AKAP13: variants seen among roughly 807,000 people sequenced by gnomAD.
The protein encoded by AKAP13 is A-kinase anchor protein 13.
AKAP13 carries 80 observed loss-of-function variants against 264.5 expected under a neutral mutation model. The ratio of observed to expected loss-of-function variants is 0.30; its 90% CI spans 0.25 to 0.36. The LOEUF (loss-of-function observed/expected upper bound fraction) is 0.36. Among genes scored for constraint, AKAP13 ranks in the 10% least tolerant of loss-of-function variants. The pLI is 1.00. For missense variants in AKAP13, 3,712 were observed against 3,435.2 expected (o/e 1.08, Z -2.01); for synonymous variants, 1,380 against 1,250.2 (o/e 1.10, Z -2.19).
chr15:85,425,367 G>A (rs1488714791), intron 1 of AKAP13, among the ~76,000 whole-genome samples: 1 of 152,090 alleles, frequency 6.6e-6, no homozygotes, highest in Admixed American at 6.5e-5. Context: ...TTGGTTCTTG[G>A]AAAACAGTTT....
At chr15:85,593,180 T>C (rs2079656163) in intron 8 of AKAP13, among the ~76,000 whole-genome samples, 1 of 152,016 alleles carries the variant, frequency 6.6e-6, no homozygotes, top group African/African-American at 2.4e-5. Flanking sequence ...GGCGTGGTGG[T>C]GCGCCCCTGT....
At chr15:85,627,333 G>A (rs748305624) in intron 8 of AKAP13, among the ~76,000 whole-genome samples, 1 of 151,996 alleles carries the variant, frequency 6.6e-6, no homozygotes, top group Non-Finnish European at 1.5e-5. Context: ...TCTTTGACCT[G>A]TTTTTCTCTC....
At chr15:85,630,186 C>CAG (rs2081650872) in intron 8 of AKAP13, among the ~76,000 whole-genome samples, 1 of 76,850 alleles carries the variant, frequency 1.3e-5, no homozygotes, top group South Asian at 4.1e-4. Context: ...CACACACACA[C>CAG]ACACACACAC....
At chr15:85,416,314 C>T (rs1242020057) in intron 1 of AKAP13, among the ~76,000 whole-genome samples, 1 of 152,110 alleles carries the variant, frequency 6.6e-6, no homozygotes, top group Non-Finnish European at 1.5e-5. Flanking sequence ...GGGAGTGGGG[C>T]TACTATGTGA....
intron 14 of AKAP13, among the ~76,000 whole-genome samples, chr15:85,680,031 C>T (rs1170611890): frequency 6.6e-6 from 1 of 152,186 alleles, no homozygotes; most frequent in Non-Finnish European, 1.5e-5. Context: ...CATAGATTCT[C>T]CTAGTACTCA....
At position 85,579,990 on chromosome 15, in the gene AKAP13, A is replaced by G. The variant is rs1004571253; in HGVS notation, c.1922A>G (p.His641Arg). ...CAGAACTCAGAAACAAATTCATCTC[A>G]TGCTCAAAGCCAAAAGGGCAAATCC... is the stretch of plus-strand genomic sequence containing the variant. ...PHQNSETNSSHAQSQKGKSSP... is the reference protein window; with the variant it reads ...PHQNSETNSSRAQSQKGKSSP... The change falls in exon 7 of 37, where the codon CAT becomes CGT. Residue 641 changes from histidine (H) to arginine (R), a missense_variant. By Grantham distance (29) the His-to-Arg change is conservative (BLOSUM62 0). Transcript: ENST00000394518. 1.2e-6 allele frequency: 2 copies of G among 1,609,270 alleles called. No individual in the cohort carries two copies. Among genetic ancestry groups the G allele is most frequent in the Non-Finnish European group, 1.7e-6 (2 of 1,175,560 alleles).
chr15:85,735,852 A>C (rs1168787456), intron 32 of AKAP13, among the ~76,000 whole-genome samples: 1 of 152,228 alleles, frequency 6.6e-6, no homozygotes, highest in East Asian at 1.9e-4. Flanking sequence ...GTTTACATTC[A>C]TAACTCTACC....
intron 19 of AKAP13, among the ~76,000 whole-genome samples, chr15:85,711,981 C>T (rs563372794): frequency 3.2e-4 from 48 of 152,226 alleles, no homozygotes; most frequent in Non-Finnish European, 5.9e-4. Context: ...TCCAGGTGTG[C>T]GCCGCTATGC....
chr15:85,468,416 A>G (rs1742034587), intron 1 of AKAP13, among the ~76,000 whole-genome samples: 2 of 152,238 alleles, frequency 1.3e-5, no homozygotes, highest in African/African-American at 4.8e-5. Flanking sequence ...GATGAGAGGT[A>G]ATAACTCTTT....
In AKAP13 at chr15:85,537,366, T is replaced by A. The variant is rs148760913; in HGVS notation, c.478+3486T>A. On this transcript the variant is annotated intron_variant, in intron 4 of 36. Transcript: ENST00000394518. ...GCACCTTGTTACATAACAGGACTTCTTGCTGTTGAAAGCTAGGATGTTTAG... is the reference window on the plus strand; with the variant it reads ...GCACCTTGTTACATAACAGGACTTCATGCTGTTGAAAGCTAGGATGTTTAG... Among the ~76,000 whole-genome samples the A allele has an allele frequency of 2.0e-5, 3 of 152,376 alleles. No individual in the cohort carries two copies. The East Asian group carries it at 5.8e-4, about 29-fold the overall frequency.
chr15:85,633,718 G>A (rs1463589219), intron 8 of AKAP13, among the ~76,000 whole-genome samples: 1 of 151,370 alleles, frequency 6.6e-6, no homozygotes, highest in Non-Finnish European at 1.5e-5. Context: ...TAATGTTTTT[G>A]TATTTTTAGT....
At chr15:85,444,035 G>C (rs993937871) in intron 1 of AKAP13, among the ~76,000 whole-genome samples, 1 of 152,144 alleles carries the variant, frequency 6.6e-6, no homozygotes, top group Non-Finnish European at 1.5e-5. Context: ...CTGCTGGCAG[G>C]AATTTTTATC....
chr15:85,659,193 AT>A (rs1424468052), intron 12 of AKAP13, among the ~76,000 whole-genome samples: 2 of 152,246 alleles, frequency 1.3e-5, no homozygotes, highest in African/African-American at 4.8e-5. Flanking sequence ...AAAATAAACG[AT>A]TTATAAGCTG....
chr15:85,701,733 A>G (rs1266340216), intron 17 of AKAP13, among the ~76,000 whole-genome samples: 3 of 150,802 alleles, frequency 2.0e-5, no homozygotes, highest in East Asian at 2.0e-4. Flanking sequence ...GTGAGCCACC[A>G]TGCCTGGCTA....
chr15:85,574,077 C>T (rs1297961964), intron 5 of AKAP13, among the ~76,000 whole-genome samples: 1 of 152,216 alleles, frequency 6.6e-6, no homozygotes, highest in Non-Finnish European at 1.5e-5. Context: ...CCAGAAATCT[C>T]TAACTCTGTA....
intron 1 of AKAP13, among the ~76,000 whole-genome samples, chr15:85,450,323 T>A (rs553017497): frequency 1.3e-5 from 2 of 152,250 alleles, no homozygotes; most frequent in African/African-American, 4.8e-5. Flanking sequence ...TCTTAATTAG[T>A]TTAGCGATCT....
At position 85,745,716 on chromosome 15, in the gene AKAP13, C is replaced by G. The variant is rs1425749220; in HGVS notation, c.*1039C>G. 6.6e-6 allele frequency: 1 copy of G among 152,348 alleles called. No homozygotes were observed. Among genetic ancestry groups the G allele is most frequent in the African/African-American group, 2.4e-5 (1 of 41,464 alleles). The allele number at this position is 152,348 out of a possible 1,614,324, so 9.4% of individuals were successfully genotyped here. A position where few individuals can be genotyped will look rare whatever the true frequency, so the allele number is the denominator to read the frequency against. ...ACCCAGGCCAGGCAGAAGCTGTGCT[C>G]TGAAGCTAGGACAGCTGGCTGAGAA... On this transcript the variant is annotated 3_prime_UTR_variant, in exon 37 of 37. Transcript: ENST00000394518.
chr15:85,531,977 A>G (rs2077257078), intron 3 of AKAP13, among the ~76,000 whole-genome samples: 1 of 152,130 alleles, frequency 6.6e-6, no homozygotes, highest in South Asian at 2.1e-4. Flanking sequence ...ATAATAGACC[A>G]TGTCCTTTGG....
chr15:85,630,921 G>A (rs1365941899), intron 8 of AKAP13, among the ~76,000 whole-genome samples: 1 of 151,878 alleles, frequency 6.6e-6, no homozygotes, highest in African/African-American at 2.4e-5. Context: ...AGTCCTAGGC[G>A]TATGCCCAGG....
Sources: allele counts gnomAD v4.1 joint callset (sites outside exome capture counted in the v4.1 genomes callset), GRCh38; gene constraint gnomAD v4.1.1; transcripts MANE v1.5; gene names NCBI Gene and HGNC (gene_info 2026-07-23, HGNC 2026-07-21).